The following DLGAP1 variants were observed in gnomAD, a reference collection of about 807,000 sequenced individuals.
DLGAP1 encodes disks large-associated protein 1.
Under a neutral mutation model 90.8 loss-of-function variants are expected in DLGAP1, and 11 were observed. The observed-to-expected ratio is 0.12, with a 90% CI of 0.08 to 0.20. The LOEUF (loss-of-function observed/expected upper bound fraction) is 0.20, where lower values mean the gene tolerates loss of function less well. DLGAP1 is among the 10% of genes least tolerant of loss of function. The pLI is 1.00. For missense variants in DLGAP1, 1,050 were observed against 1,333.8 expected, an observed-to-expected ratio of 0.79 and a Z score of 3.31; for synonymous variants, 558 against 540.7, an observed-to-expected ratio of 1.03 and a Z score of -0.44.
chr18:3,930,337 T>C (rs1046886108), intron 3 of DLGAP1, among the ~76,000 whole-genome samples: 22 of 152,218 alleles, frequency 1.4e-4, no homozygotes, highest in Admixed American at 9.2e-4. Context: ...TGCTATCTTC[T>C]TCGTGGCAAA....
At chr18:4,268,442 T>C (rs1192159881) in intron 1 of DLGAP1, among the ~76,000 whole-genome samples, 1 of 152,158 alleles carries the variant, frequency 6.6e-6, no homozygotes, top group South Asian at 2.1e-4. Context: ...TGAATACCTA[T>C]TTGATGCTGA....
intron 4 of DLGAP1, among the ~76,000 whole-genome samples, chr18:3,814,562 C>T (rs369729164): frequency 1.1e-4 from 16 of 151,962 alleles, no homozygotes; most frequent in Admixed American, 7.9e-4. Flanking sequence ...GGGGTTTCAC[C>T]GTGTTAGCCA....
intron 1 of DLGAP1, among the ~76,000 whole-genome samples, chr18:4,331,649 A>G (rs1372477746): frequency 6.6e-6 from 1 of 151,818 alleles, no homozygotes; most frequent in Non-Finnish European, 1.5e-5. Flanking sequence ...AAGAAGCCCT[A>G]GATGACTGGC....
intron 2 of DLGAP1, among the ~76,000 whole-genome samples, chr18:4,059,655 G>C (rs2075271889): frequency 6.6e-6 from 1 of 152,082 alleles, no homozygotes; most frequent in Non-Finnish European, 1.5e-5. Flanking sequence ...AGGTTATGGT[G>C]AGCCAAGATC....
chr18:3,497,402 A>G lies in DLGAP1; in HGVS notation c.*1783T>C, dbSNP rs551393838. 6.6e-6 allele frequency: 1 copy of G among 152,162 alleles called. No individual in the cohort carries two copies. The highest frequency in any genetic ancestry group is 1.5e-5 in the Non-Finnish European group (1 of 68,018). The allele number at this position is 152,162 out of a possible 1,614,324, so 9.4% of individuals were successfully genotyped here. On this transcript the variant is annotated 3_prime_UTR_variant, in exon 13 of 13. Transcript: ENST00000315677. ...CTTTTCTTGTAAACCACAGCAGTAA[A>G]CATTTGTGCCCTGTTTATAAAGGTA...
chr18:3,912,870 G>A (rs1465406312), intron 3 of DLGAP1, among the ~76,000 whole-genome samples: 2 of 152,278 alleles, frequency 1.3e-5, no homozygotes, highest in African/African-American at 4.8e-5. Flanking sequence ...TGGTGACTGT[G>A]TAGGGTTGGG....
intron 2 of DLGAP1, among the ~76,000 whole-genome samples, chr18:4,105,725 A>C (rs989426108): frequency 6.6e-6 from 1 of 152,206 alleles, no homozygotes; most frequent in African/African-American, 2.4e-5. Context: ...TCAGGAGAAA[A>C]GGAGGCCTTA....
chr18:3,966,468 G>A (rs1319570396), intron 3 of DLGAP1, among the ~76,000 whole-genome samples: 1 of 152,084 alleles, frequency 6.6e-6, no homozygotes, highest in African/African-American at 2.4e-5. Flanking sequence ...GGGAACTGAG[G>A]AATGAATTAT....
intron 1 of DLGAP1, among the ~76,000 whole-genome samples, chr18:4,445,309 T>TTA (rs2083634322): frequency 1.3e-5 from 2 of 150,622 alleles, no homozygotes; most frequent in South Asian, 4.2e-4. Context: ...TTTTTTTTTT[T>TTA]ATTATACTTT....
At chr18:3,753,080 A>G (rs941876220) in intron 5 of DLGAP1, among the ~76,000 whole-genome samples, 62 of 152,318 alleles carry the variant, frequency 4.1e-4, no homozygotes, top group African/African-American at 1.4e-3. Context: ...AGGGGGTGGG[A>G]CTTCTGGAAT....
intron 4 of DLGAP1, among the ~76,000 whole-genome samples, chr18:3,825,373 A>G (rs901081236): frequency 1.3e-5 from 2 of 152,226 alleles, no homozygotes; most frequent in African/African-American, 4.8e-5. Flanking sequence ...CAGGATACCA[A>G]AATCCGTGGA....
chr18:3,912,143 T>G (rs59068082), intron 3 of DLGAP1, among the ~76,000 whole-genome samples: 15,405 of 152,290 alleles, frequency 0.1, 1,100 homozygotes, highest in African/African-American at 0.2. Context: ...TAAAGTTTGT[T>G]ACATATTAAT....
At chr18:4,133,914 T>G (rs2076357142) in intron 2 of DLGAP1, among the ~76,000 whole-genome samples, 1 of 151,600 alleles carries the variant, frequency 6.6e-6, no homozygotes, top group Admixed American at 6.6e-5. Context: ...AACCAAGACC[T>G]AGTGAGAGGC....
rs1432263606 is a variant in DLGAP1 at position 3,828,681 on chromosome 18, A to C, written c.958-14408T>G. ...AAAAAAAAGGACAAAAAGACAAAACAAAACCTTTAAAAAAAAAACTTTCAA... is the reference window on the plus strand; with the variant it reads ...AAAAAAAAGGACAAAAAGACAAAACCAAACCTTTAAAAAAAAAACTTTCAA... On this transcript the variant is annotated intron_variant, in intron 4 of 12. Transcript: ENST00000315677. 2.0e-5 allele frequency among the ~76,000 whole-genome samples: 3 copies of C among 150,746 alleles called. 1 individual carries two copies. The highest frequency in any genetic ancestry group is 2.0e-4 in the Admixed American group (3 of 15,150).
chr18:3,683,937 TA>T, intron 7 of DLGAP1, among the ~76,000 whole-genome samples: 1 of 152,228 alleles, frequency 6.6e-6, no homozygotes, highest in East Asian at 1.9e-4. Context: ...ATGGAGCAAG[TA>T]ATATCTCCCT....
At chr18:4,253,700 G>C (rs1002171225) in intron 1 of DLGAP1, among the ~76,000 whole-genome samples, 3 of 152,176 alleles carry the variant, frequency 2.0e-5, no homozygotes, top group Non-Finnish European at 2.9e-5. Context: ...GTGAGTCACT[G>C]TGCCTGGCAG....
At chr18:4,431,169 G>A (rs574765975) in intron 1 of DLGAP1, 1 of 152,856 alleles carries the variant, frequency 6.5e-6, no homozygotes, top group South Asian at 2.1e-4. Context: ...GGAATGAGAA[G>A]GCTCTGTAAC....
chr18:3,828,442 T>C (rs992199171), intron 4 of DLGAP1, among the ~76,000 whole-genome samples: 1 of 151,944 alleles, frequency 6.6e-6, no homozygotes, highest in Admixed American at 6.6e-5. Context: ...GTGTTTGAGA[T>C]CAGCCTGGGC....
chr18:3,950,033 GTTC>G (rs1466531336), intron 3 of DLGAP1, among the ~76,000 whole-genome samples: 1 of 152,176 alleles, frequency 6.6e-6, no homozygotes, highest in Non-Finnish European at 1.5e-5. Flanking sequence ...TGAGAAGTGA[GTTC>G]TATATTACTG....
Sources: gnomAD v4.1 joint callset for allele counts (sites outside exome capture counted in the v4.1 genomes callset) on GRCh38, gnomAD v4.1.1 for gene constraint, MANE v1.5 for transcripts, NCBI Gene and HGNC (gene_info 2026-07-23, HGNC 2026-07-21) for gene names.